Variants in GRM1 observed in about 807,000 individuals in gnomAD.
GRM1 encodes the protein glutamate metabotropic receptor 1, also known as metabotropic glutamate receptor 1.
A neutral mutation model predicts 90.9 loss-of-function variants in GRM1; 33 were observed. The observed-to-expected ratio is 0.36, with a 90% confidence interval of 0.28 to 0.49. The LOEUF (loss-of-function observed/expected upper bound fraction) is 0.49, where lower values mean the gene tolerates loss of function less well. Ranked by LOEUF, GRM1 falls within the 20% of genes least tolerant of loss-of-function variation. The pLI is 0.99. For missense variants in GRM1, 1,190 were observed against 1,534.3 expected (o/e 0.78, Z 3.75); for synonymous variants, 700 against 613.2 (o/e 1.14, Z -2.09).
chr6:146,270,908 TCTTTCTTC>T (rs1430426944), intron 2 of GRM1, among the ~76,000 whole-genome samples: 2,457 of 103,086 alleles, frequency 0.024, 22 homozygotes, highest in Non-Finnish European at 0.029. Flanking sequence ...TTTCTTTCTT[TCTTTCTTC>T]CTTCCTTCCT....
chr6:146,070,653 G>C (rs1028423723), intron 1 of GRM1, among the ~76,000 whole-genome samples: 1 of 152,088 alleles, frequency 6.6e-6, no homozygotes, highest in Admixed American at 6.5e-5. Flanking sequence ...TAGGTTCACT[G>C]TACAAATATA....
intron 2 of GRM1, among the ~76,000 whole-genome samples, chr6:146,212,947 T>G (rs889999989): frequency 2.6e-5 from 4 of 152,182 alleles, no homozygotes; most frequent in Non-Finnish European, 5.9e-5. Flanking sequence ...TACTACATGC[T>G]AGACTTGATG....
chr6:146,028,159 A>G (rs1203728272), upstream of GRM1, among the ~76,000 whole-genome samples: 2 of 151,654 alleles, frequency 1.3e-5, no homozygotes, highest in African/African-American at 2.4e-5. Flanking sequence ...GTGGGTTTGG[A>G]TATATACCTG....
intron 2 of GRM1, among the ~76,000 whole-genome samples, chr6:146,202,993 AG>A (rs1779357348): frequency 6.6e-6 from 1 of 151,898 alleles, no homozygotes; most frequent in Admixed American, 6.6e-5. Context: ...CAGGAGAGAG[AG>A]ACAATCCTGG....
At chr6:146,215,048 A>G (rs1374513141) in intron 2 of GRM1, among the ~76,000 whole-genome samples, 4 of 152,166 alleles carry the variant, frequency 2.6e-5, no homozygotes, top group Non-Finnish European at 5.9e-5. Flanking sequence ...CCGTTTTATG[A>G]TGGTGCCTCA....
chr6:146,043,796 T>TATATATAGATAG lies in GRM1; in HGVS notation c.700+13586_700+13587insGATAGATATATA, dbSNP rs1554260529. 3.6e-5 allele frequency among the ~76,000 whole-genome samples: 5 copies of TATATATAGATAG among 137,940 alleles called. 1 individual carries two copies. The highest frequency in any genetic ancestry group is 1.3e-4 in the African/African-American group (5 of 38,288). The allele number at this position is 137,940 out of a possible 152,430, so 90.5% of individuals were successfully genotyped here. A position where few individuals can be genotyped will look rare whatever the true frequency, so the allele number is the denominator to read the frequency against. ...AAGAGTCAGGTGATATATATATATATATATATATATATATAAAGGGAAGTG... is the reference window on the plus strand; with the variant it reads ...AAGAGTCAGGTGATATATATATATATATATATAGATAGATATATATATATATAAAGGGAAGTG... On this transcript the variant is annotated intron_variant, in intron 1 of 7. Transcript: ENST00000282753.
chr6:146,252,770 T>G (rs960953681), intron 2 of GRM1, among the ~76,000 whole-genome samples: 1 of 151,830 alleles, frequency 6.6e-6, no homozygotes, highest in Non-Finnish European at 1.5e-5. Flanking sequence ...TTTAAAAATA[T>G]TGATAAATTG....
At position 146,159,357 on chromosome 6, in the gene GRM1, G is replaced by A; in HGVS notation, c.710G>A (p.Gly237Glu). The change falls in exon 2 of 8, where the codon GGG (glycine) becomes GAG (glutamate). Residue 237 changes from glycine to glutamate, a missense_variant. Physicochemically the swap from Gly to Glu is moderately conservative, Grantham distance 98. Coordinates refer to ENST00000282753, the MANE Select transcript of GRM1 (RefSeq NM_001278064.2). ...GATTGTTTCTGGACAGGGAATTATG[G>A]GGAGAGCGGAATGGACGCTTTCAAA... is the stretch of plus-strand genomic sequence containing the variant. ...VSAVHTEGNYGESGMDAFKEL... is the reference protein window; with the variant it reads ...VSAVHTEGNYEESGMDAFKEL... The A allele has an allele frequency of 6.2e-7, 1 of 1,614,040 alleles. No homozygotes were observed. The highest frequency in any genetic ancestry group is 8.5e-7 in the Non-Finnish European group (1 of 1,179,898).
intron 1 of GRM1, among the ~76,000 whole-genome samples, chr6:146,039,459 G>A (rs1009209675): frequency 6.6e-6 from 1 of 151,956 alleles, no homozygotes; most frequent in African/African-American, 2.4e-5. Flanking sequence ...CCTAGGTCAT[G>A]ATGGGACATA....
chr6:146,325,592 G>C (rs1403464755), intron 3 of GRM1, among the ~76,000 whole-genome samples: 1 of 152,160 alleles, frequency 6.6e-6, no homozygotes. Flanking sequence ...CATGTGCAGA[G>C]GTTAAGGAAA....
intron 7 of GRM1, among the ~76,000 whole-genome samples, chr6:146,423,478 T>TC (rs1389659610): frequency 3.3e-5 from 5 of 152,078 alleles, no homozygotes; most frequent in African/African-American, 4.8e-5. Flanking sequence ...TTTTTTTTTT[T>TC]TCAAATCTCT....
intron 5 of GRM1, among the ~76,000 whole-genome samples, chr6:146,366,098 AG>A (rs1775675706): frequency 6.6e-6 from 1 of 152,196 alleles, no homozygotes. Context: ...GCTTTGATAC[AG>A]TGCCTGACAC....
At chr6:146,258,230 C>CTA (rs929657602) in intron 2 of GRM1, among the ~76,000 whole-genome samples, 14 of 152,118 alleles carry the variant, frequency 9.2e-5, no homozygotes, top group African/African-American at 3.4e-4. Context: ...AAATGAGCTC[C>CTA]TAAGCACTTT....
intron 3 of GRM1, among the ~76,000 whole-genome samples, chr6:146,337,462 G>A (rs1289095938): frequency 2.6e-5 from 4 of 152,076 alleles, no homozygotes; most frequent in African/African-American, 4.8e-5. Flanking sequence ...TTCCTAAAAC[G>A]TTCTTTGGAC....
chr6:146,088,249 A>G (rs1372178135), intron 1 of GRM1, among the ~76,000 whole-genome samples: 2 of 152,108 alleles, frequency 1.3e-5, no homozygotes, highest in African/African-American at 2.4e-5. Context: ...GTGTAATGTG[A>G]CAATATATTT....
intron 2 of GRM1, among the ~76,000 whole-genome samples, chr6:146,207,437 T>A (rs1169455547): frequency 6.6e-6 from 1 of 152,214 alleles, no homozygotes; most frequent in African/African-American, 2.4e-5. Flanking sequence ...TTAACGGGGT[T>A]GTTTGTTTTT....
At chr6:146,223,742 ATAG>A (rs1780148034) in intron 2 of GRM1, among the ~76,000 whole-genome samples, 1 of 152,120 alleles carries the variant, frequency 6.6e-6, no homozygotes, top group South Asian at 2.1e-4. Context: ...TTCATGTGCT[ATAG>A]TAAAAGAAAT....
chr6:146,028,232 AGTGTGTGTGTGT>A (rs60190108), upstream of GRM1, among the ~76,000 whole-genome samples: 34 of 130,362 alleles, frequency 2.6e-4, no homozygotes, highest in Non-Finnish European at 3.5e-4. Flanking sequence ...AGTGGAAGGG[AGTGTGTGTGTGT>A]GTGTGTGTGT....
chr6:146,110,200 C>A (rs1365179048), intron 1 of GRM1, among the ~76,000 whole-genome samples: 1 of 152,120 alleles, frequency 6.6e-6, no homozygotes, highest in Non-Finnish European at 1.5e-5. Flanking sequence ...TGCTGTGTCT[C>A]CACCCAAATC....
Sources: gnomAD v4.1 joint callset for allele counts (sites outside exome capture counted in the v4.1 genomes callset) on GRCh38, gnomAD v4.1.1 for gene constraint, MANE v1.5 for transcripts, NCBI Gene and HGNC (gene_info 2026-07-23, HGNC 2026-07-21) for gene names.